Variants in PIWIL3 observed in about 807,000 individuals in gnomAD.
The protein encoded by PIWIL3 is piwi-like protein 3.
PIWIL3 carries 101 observed loss-of-function variants against 109.7 expected under a neutral mutation model. That is an observed-to-expected ratio of 0.92 (90% CI 0.78 to 1.09). The LOEUF is 1.09. Among genes scored for constraint, PIWIL3 ranks in the 50% least tolerant of loss-of-function variants. PIWIL3 has a pLI of 0.00. For missense variants in PIWIL3, 1,031 were observed against 1,072.6 expected (o/e 0.96, Z 0.54); for synonymous variants, 373 against 376.4 (o/e 0.99, Z 0.10).
chr22:24,737,909 C>G (rs1490784450), intron 12 of PIWIL3, among the ~76,000 whole-genome samples: 1 of 152,118 alleles, frequency 6.6e-6, no homozygotes, highest in Non-Finnish European at 1.5e-5. Flanking sequence ...GCCTGGAATC[C>G]CAGGACTTTG....
Position 24,719,578 on chromosome 22 carries a change from C to T in PIWIL3, c.2516G>A (p.Arg839Gln), listed in dbSNP as rs1275099538. ...HMYYNLPGII[R>Q]VPAPCHYAHK... ...GGCATAGTGGCAAGGCGCTGGAACTCGGATGATGCCCTTTAGTAGGAAAAG... is the reference window on the plus strand; with the variant it reads ...GGCATAGTGGCAAGGCGCTGGAACTTGGATGATGCCCTTTAGTAGGAAAAG... Residue 839 changes from arginine (R) to glutamine (Q), a missense_variant, in exon 21 of 21, where the codon CGA becomes CAA. Coordinates refer to ENST00000616349, the MANE Select transcript of PIWIL3 (RefSeq NM_001255975.1). The T allele has an allele frequency of 8.2e-6, 13 of 1,591,738 alleles. No homozygotes were observed. The highest frequency in any genetic ancestry group is 1.7e-4 in the Middle Eastern group (1 of 5,964).
chr22:24,727,292 T>A (rs564336395), intron 16 of PIWIL3, among the ~76,000 whole-genome samples: 1 of 152,228 alleles, frequency 6.6e-6, no homozygotes, highest in Non-Finnish European at 1.5e-5. Flanking sequence ...GACTTTATGA[T>A]AAAAGTTTTC....
At chr22:24,737,434 C>T (rs1171634684) in intron 12 of PIWIL3, among the ~76,000 whole-genome samples, 2 of 152,142 alleles carry the variant, frequency 1.3e-5, no homozygotes, top group African/African-American at 4.8e-5. Flanking sequence ...GAAGAACCAG[C>T]AATAATACCC....
At chr22:24,770,007 T>C (rs1926042733) in intron 1 of PIWIL3, among the ~76,000 whole-genome samples, 1 of 152,332 alleles carries the variant, frequency 6.6e-6, no homozygotes, top group African/African-American at 2.4e-5. Flanking sequence ...AAAAAGTGTT[T>C]GTATATGTTC....
At position 24,754,010 on chromosome 22, in the gene PIWIL3, T is replaced by TTTTG. The variant is rs1162389766; in HGVS notation, c.977+3_977+4insCAAA. ...TTGGATAGGTTTTTAAAAGACAGAC[T>TTTTG]TACTTTGTCAGAACAATTGATCCAA... On this transcript the variant is annotated splice_donor_region_variant and intron_variant, in intron 8 of 20. Coordinates refer to ENST00000616349, the MANE Select transcript of PIWIL3 (RefSeq NM_001255975.1). 6.3e-7 allele frequency: 1 copy of TTTTG among 1,593,204 alleles called. No homozygotes were observed. The highest frequency in any genetic ancestry group is 2.2e-5 in the East Asian group (1 of 44,792).
At chr22:24,722,852 C>T (rs147244661) in intron 19 of PIWIL3, among the ~76,000 whole-genome samples, 3 of 152,154 alleles carry the variant, frequency 2.0e-5, no homozygotes, top group South Asian at 4.1e-4. Flanking sequence ...CTTTTGTATT[C>T]GTAATTAGAA....
At position 24,759,963 on chromosome 22, in the gene PIWIL3, C is replaced by T. The variant is rs144005682; in HGVS notation, c.129G>A (p.Ser43=). 59 of 1,613,956 alleles carry T rather than the reference C, an allele frequency of 3.7e-5. No individual in the cohort carries two copies. Among genetic ancestry groups the T allele is most frequent in the East Asian group, 8.9e-5 (4 of 44,900 alleles). Residue 43 remains serine, a synonymous_variant, in exon 3 of 21, where the codon TCG becomes TCA. Coordinates refer to ENST00000616349, the MANE Select transcript of PIWIL3 (RefSeq NM_001255975.1). ...CTTCCTCCTGCAGCGGCCGGGGTGTCGACTGCAACTGAGGGGGCTCCTGGG... is the reference window on the plus strand; with the variant it reads ...CTTCCTCCTGCAGCGGCCGGGGTGTTGACTGCAACTGAGGGGGCTCCTGGG... The part of the protein sequence containing the change: ...ATTQEPPQLQ[S]TPRPLQEEVP...
At position 24,735,688 on chromosome 22, in the gene PIWIL3, G is replaced by T; in HGVS notation, c.1634+20C>A. ...ATTGCTAACAATCGATTTTCAAATG[G>T]GAATTTCTGCTCTACTTACATTTCT... On this transcript the variant is annotated intron_variant, in intron 13 of 20. Coordinates refer to ENST00000616349, the MANE Select transcript of PIWIL3 (RefSeq NM_001255975.1). 1.3e-6 allele frequency: 2 copies of T among 1,547,260 alleles called. No homozygotes were observed. Among genetic ancestry groups the T allele is most frequent in the Non-Finnish European group, 8.7e-7 (1 of 1,149,572 alleles).
Position 24,728,296 on chromosome 22 carries a change from G to A in PIWIL3, c.1786C>T (p.Pro596Ser). ...KRYLCTKCPI[P>S]SQCVVKKTLE... ...GTCTTTTTCACCACACACTGGCTTG[G>A]AATTGGGCATTTGGTACATAGGTAT... The change falls in exon 15 of 21, where the codon CCA (proline) becomes TCA (serine). Residue 596 changes from proline (P) to serine (S), a missense_variant. Physicochemically the swap from Pro to Ser is moderately conservative, Grantham distance 74 (BLOSUM62 -1). Transcript: ENST00000616349. 6.2e-7 allele frequency: 1 copy of A among 1,614,154 alleles called. No homozygotes were observed. Among genetic ancestry groups the A allele is most frequent in the Non-Finnish European group, 8.5e-7 (1 of 1,180,038 alleles).
intron 1 of PIWIL3, among the ~76,000 whole-genome samples, chr22:24,771,011 C>A (rs946815148): frequency 6.6e-6 from 1 of 151,946 alleles, no homozygotes; most frequent in Non-Finnish European, 1.5e-5. Context: ...CTCAAAATAG[C>A]CACCGGGAGA....
chr22:24,740,782 C>CA (rs1169721724), intron 12 of PIWIL3, among the ~76,000 whole-genome samples: 1 of 151,850 alleles, frequency 6.6e-6, no homozygotes, highest in Non-Finnish European at 1.5e-5. Flanking sequence ...AAGATGCCAC[C>CA]AAAAAAAGTC....
intron 18 of PIWIL3, among the ~76,000 whole-genome samples, chr22:24,724,360 C>T (rs1230080911): frequency 6.6e-6 from 1 of 151,936 alleles, no homozygotes; most frequent in Non-Finnish European, 1.5e-5. Context: ...CTCCTAGGCT[C>T]AAGTGACCTC....
chr22:24,762,990 C>T (rs1040564985), intron 1 of PIWIL3, among the ~76,000 whole-genome samples: 3 of 152,080 alleles, frequency 2.0e-5, no homozygotes, highest in African/African-American at 4.8e-5. Flanking sequence ...AACCATAGCA[C>T]CTGGTAATGT....
At position 24,757,941 on chromosome 22, in the gene PIWIL3, GCCTGGTGTTC is replaced by G; in HGVS notation, c.312_321del (p.Asn105LysfsTer3). The G allele has an allele frequency of 1.1e-5, 17 of 1,612,942 alleles. No homozygotes were observed. The highest frequency in any genetic ancestry group is 1.3e-5 in the Non-Finnish European group (15 of 1,179,632). ...GAGTCTTTAACATGCTTCATATCTT[GCCTGGTGTTC>G]ACCACCAGGTCTTGAAAAACTCCAC... On this transcript the variant is annotated frameshift_variant, in exon 4 of 21. Transcript: ENST00000616349. LOFTEE classifies it high-confidence loss of function.
At chr22:24,721,022 A>T (rs1238920093) in intron 19 of PIWIL3, among the ~76,000 whole-genome samples, 1 of 152,250 alleles carries the variant, frequency 6.6e-6, no homozygotes. Flanking sequence ...ACTGATCAGC[A>T]TTGCTTCTTG....
At chr22:24,760,134 C>T in intron 2 of PIWIL3, 145 bp from the exon 3 acceptor site, 2 of 1,105,960 alleles carry the variant, frequency 1.8e-6, no homozygotes, top group Non-Finnish European at 1.3e-6. Context: ...TAATAAGCAA[C>T]ATACATAGCA....
intron 4 of PIWIL3, among the ~76,000 whole-genome samples, chr22:24,757,098 A>AAAG (rs1555913000): frequency 6.1e-5 from 9 of 146,446 alleles, no homozygotes; most frequent in African/African-American, 2.3e-4. Context: ...AAAAAAAAAA[A>AAAG]AAAAGAAAAG....
intron 12 of PIWIL3, among the ~76,000 whole-genome samples, chr22:24,744,188 A>AAAAAAAAAAAAC (rs1924196196): frequency 6.9e-6 from 1 of 145,822 alleles, no homozygotes; most frequent in African/African-American, 2.5e-5. Context: ...TAAAAAAAAA[A>AAAAAAAAAAAAC]AAAAAAAAAA....
chr22:24,765,059 A>T (rs1260714040), intron 1 of PIWIL3, among the ~76,000 whole-genome samples: 4 of 152,192 alleles, frequency 2.6e-5, no homozygotes, highest in Non-Finnish European at 5.9e-5. Flanking sequence ...CTTATTTAAA[A>T]ATATTTCAGA....
Sources: gnomAD v4.1 joint callset for allele counts (sites outside exome capture counted in the v4.1 genomes callset) on GRCh38, gnomAD v4.1.1 for gene constraint, MANE v1.5 for transcripts, NCBI Gene and HGNC (gene_info 2026-07-23, HGNC 2026-07-21) for gene names.